The following DENND5B variants were observed in gnomAD, a reference collection of about 807,000 sequenced individuals.
DENND5B encodes DENN domain-containing protein 5B.
In DENND5B, 34 loss-of-function variants were observed where a neutral mutation model predicts 140.6. The observed-to-expected ratio is 0.24, with a 90% CI of 0.18 to 0.32. The LOEUF is 0.32. Ranked by LOEUF, DENND5B falls within the 10% of genes least tolerant of loss-of-function variation. The pLI is 1.00. For missense variants in DENND5B, 1,142 were observed against 1,560.2 expected (o/e 0.73, Z 4.52); for synonymous variants, 551 against 562.1 (o/e 0.98, Z 0.28).
intron 1 of DENND5B, among the ~76,000 whole-genome samples, chr12:31,579,185 T>C (rs1332939292): frequency 6.6e-6 from 1 of 152,162 alleles, no homozygotes; most frequent in Non-Finnish European, 1.5e-5. Flanking sequence ...TAATTTCAAA[T>C]AAAGTTAGTA....
At chr12:31,525,583 T>C (rs1336818147) in intron 1 of DENND5B, among the ~76,000 whole-genome samples, 1 of 152,206 alleles carries the variant, frequency 6.6e-6, no homozygotes, top group Non-Finnish European at 1.5e-5. Context: ...GTTCTAACAT[T>C]TATTGTGGAA....
At chr12:31,451,511 G>T (rs144821837) in intron 5 of DENND5B, among the ~76,000 whole-genome samples, 1,821 of 152,166 alleles carry the variant, frequency 0.012, 10 homozygotes, top group Non-Finnish European at 0.018. Flanking sequence ...TTTTCGTAGA[G>T]ACGGGGTTTC....
chr12:31,400,329 C>A (rs549035944), intron 15 of DENND5B, among the ~76,000 whole-genome samples: 1 of 152,194 alleles, frequency 6.6e-6, no homozygotes, highest in Non-Finnish European at 1.5e-5. Context: ...GCAGAACTGA[C>A]CTCAGACCTC....
chr12:31,404,295 TTTTG>T (rs1461784826), intron 14 of DENND5B, among the ~76,000 whole-genome samples: 3 of 152,142 alleles, frequency 2.0e-5, no homozygotes, highest in African/African-American at 4.8e-5. Context: ...ATTTCTGGTT[TTTTG>T]TTTGTTGGTT....
intron 7 of DENND5B, among the ~76,000 whole-genome samples, chr12:31,441,594 A>C (rs1446677106): frequency 6.6e-6 from 1 of 151,392 alleles, no homozygotes; most frequent in Non-Finnish European, 1.5e-5. Flanking sequence ...TGATCCTCCC[A>C]TCTCAGCCTC....
At chr12:31,429,853 C>T (rs1304145959) in intron 8 of DENND5B, among the ~76,000 whole-genome samples, 1 of 151,840 alleles carries the variant, frequency 6.6e-6, no homozygotes, top group African/African-American at 2.4e-5. Flanking sequence ...ATTATAGGCG[C>T]GTGCTACAAC....
intron 1 of DENND5B, among the ~76,000 whole-genome samples, chr12:31,552,239 T>C (rs1018052478): frequency 4.6e-5 from 7 of 152,236 alleles, no homozygotes; most frequent in Non-Finnish European, 8.8e-5. Flanking sequence ...ATACGTCCCA[T>C]CAACACCTAA....
At chr12:31,482,850 A>G (rs1309392693) in intron 2 of DENND5B, among the ~76,000 whole-genome samples, 1 of 152,218 alleles carries the variant, frequency 6.6e-6, no homozygotes, top group Non-Finnish European at 1.5e-5. Flanking sequence ...CTTAAAAAAT[A>G]TGTTAGATCT....
chr12:31,396,640 C>G lies in DENND5B; in HGVS notation c.3256+1535G>C, dbSNP rs1247090052. ...GCACCAAAAACCCCCCCAAAAAAGA[C>G]AGAGTGTCACTCTGTCACTCAAGCT... On this transcript the variant is annotated intron_variant, in intron 17 of 20. Transcript: ENST00000389082. 2.6e-5 allele frequency: 4 copies of G among 152,346 alleles called. 1 individual carries two copies. The highest frequency in any genetic ancestry group is 9.7e-5 in the African/African-American group (4 of 41,400). The allele number at this position is 152,346 out of a possible 1,614,324, so 9.4% of individuals were successfully genotyped here.
intron 14 of DENND5B, among the ~76,000 whole-genome samples, chr12:31,408,900 G>T (rs1475404323): frequency 3.3e-5 from 5 of 152,198 alleles, no homozygotes. Flanking sequence ...GAGAAGGAAA[G>T]CAGGATTGGT....
chr12:31,517,898 C>A (rs1319432745), intron 1 of DENND5B, among the ~76,000 whole-genome samples: 1 of 152,326 alleles, frequency 6.6e-6, no homozygotes, highest in South Asian at 2.1e-4. Flanking sequence ...TTCTGCCTCA[C>A]ACTAACCCTT....
chr12:31,503,200 G>A (rs1947076061), intron 1 of DENND5B, among the ~76,000 whole-genome samples: 1 of 152,164 alleles, frequency 6.6e-6, no homozygotes, highest in African/African-American at 2.4e-5. Context: ...ATGAGAGGAG[G>A]AGAGAGGGGA....
intron 1 of DENND5B, among the ~76,000 whole-genome samples, chr12:31,543,489 A>G (rs986580074): frequency 1.3e-5 from 2 of 152,210 alleles, no homozygotes; most frequent in Non-Finnish European, 2.9e-5. Context: ...AAAACCCACT[A>G]GGCTGTTACG....
At chr12:31,446,499 C>T (rs1317135113) in intron 6 of DENND5B, among the ~76,000 whole-genome samples, 2 of 152,150 alleles carry the variant, frequency 1.3e-5, no homozygotes, top group Admixed American at 1.3e-4. Flanking sequence ...AATGGCACTA[C>T]TAAAGCAAAG....
rs77251462 is a variant in DENND5B, at chr12:31,568,309, C to T, written c.127+22397G>A. 1.7e-3 allele frequency among the ~76,000 whole-genome samples: 254 copies of T among 152,178 alleles called. 3 individuals are homozygous for T. The East Asian group carries it at 0.046, about 27-fold the overall frequency. ...TCTCATTATGTATATGCAAATATTC[C>T]AAAATCTGAAAAAACACAAAATCCT... On this transcript the variant is annotated intron_variant, in intron 1 of 20. Transcript: ENST00000389082.
At chr12:31,407,251 C>T (rs542764722) in intron 14 of DENND5B, among the ~76,000 whole-genome samples, 319 of 152,268 alleles carry the variant, frequency 2.1e-3, no homozygotes, top group Non-Finnish European at 3.7e-3. Flanking sequence ...CTACCTCAGC[C>T]TCCTGAGTAG....
At chr12:31,549,552 T>G (rs1291454221) in intron 1 of DENND5B, among the ~76,000 whole-genome samples, 1 of 152,070 alleles carries the variant, frequency 6.6e-6, no homozygotes, top group African/African-American at 2.4e-5. Context: ...TTTATTTTTA[T>G]TTTAAGTTCC....
At chr12:31,585,332 G>A (rs770051979) in intron 1 of DENND5B, among the ~76,000 whole-genome samples, 1 of 152,170 alleles carries the variant, frequency 6.6e-6, no homozygotes, top group Non-Finnish European at 1.5e-5. Context: ...AACCTATTGT[G>A]AGCCAAGGAT....
intron 1 of DENND5B, among the ~76,000 whole-genome samples, chr12:31,568,156 G>A (rs944851027): frequency 6.6e-6 from 1 of 152,150 alleles, no homozygotes; most frequent in African/African-American, 2.4e-5. Flanking sequence ...TTCCATACCT[G>A]AACTAATGTG....
Sources: gnomAD v4.1 joint callset for allele counts (sites outside exome capture counted in the v4.1 genomes callset) on GRCh38, gnomAD v4.1.1 for gene constraint, MANE v1.5 for transcripts, NCBI Gene and HGNC (gene_info 2026-07-23, HGNC 2026-07-21) for gene names.